ACOX1: variants seen among roughly 807,000 people sequenced by gnomAD.
The protein encoded by ACOX1 is acyl-CoA oxidase 1.
A neutral mutation model predicts 75.5 loss-of-function variants in ACOX1; 41 were observed. The observed-to-expected ratio is 0.54, with a 90% CI of 0.42 to 0.70. The LOEUF is 0.70. ACOX1 is among the 30% of genes least tolerant of loss of function. ACOX1 has a pLI of 0.00. For missense variants in ACOX1, 630 were observed against 837.5 expected, an observed-to-expected ratio of 0.75 and a Z score of 3.06; for synonymous variants, 303 against 298.8, an observed-to-expected ratio of 1.01 and a Z score of -0.15.
chr17:75,949,572 G>C lies in ACOX1; in HGVS notation c.1507C>G (p.Gln503Glu), dbSNP rs2065754605. 6.2e-7 allele frequency: 1 copy of C among 1,614,060 alleles called. No homozygotes were observed. Among genetic ancestry groups the C allele is most frequent in the Admixed American group, 1.7e-5 (1 of 59,984 alleles). Residue 503 changes from glutamine to glutamate, a missense_variant, in exon 11 of 14, where the codon CAA becomes GAA. This residue lies in a region of ACOX1 where 240 missense variants were observed against 262.7 expected (regional missense o/e 0.91). Transcript: ENST00000293217. ...RLVEIAAKNL[Q>E]KEVIHRKSKE... ...CTTTTTCTGTGAATCACTTCTTTTT[G>C]AAGGTTTTTTGCAGCAATTTCTACT...
intron 2 of ACOX1, among the ~76,000 whole-genome samples, chr17:75,969,220 G>A (rs555173626): frequency 3.9e-5 from 6 of 152,230 alleles, no homozygotes; most frequent in South Asian, 4.1e-4. Flanking sequence ...AGGCTAGAGC[G>A]CAATGGCGCA....
rs1432526391 is a variant in ACOX1, at chr17:75,978,900, C to T, written c.109+65G>A. The T allele has an allele frequency of 1.2e-6, 2 of 1,602,568 alleles. No homozygotes were observed. The highest frequency in any genetic ancestry group is 1.1e-5 in the South Asian group (1 of 91,030). Reference sequence around the variant, plus strand: ...GGCCTAGGCCCCACAGCGCCCCTGACTCCGCATCGAGGGAGTCTCCAGCTT... The same window carrying T: ...GGCCTAGGCCCCACAGCGCCCCTGATTCCGCATCGAGGGAGTCTCCAGCTT... On this transcript the variant is annotated intron_variant, in intron 1 of 13. Coordinates refer to ENST00000293217, the MANE Select transcript of ACOX1 (RefSeq NM_004035.7). The surrounding 1 kb of genome is among the most constrained non-coding windows in gnomAD (Gnocchi z 4.2).
intron 2 of ACOX1, among the ~76,000 whole-genome samples, chr17:75,970,466 G>A (rs1416885928): frequency 2.6e-5 from 4 of 152,154 alleles, no homozygotes; most frequent in Non-Finnish European, 4.4e-5. Flanking sequence ...CAGACCCACA[G>A]GGCAGGTGTA....
intron 2 of ACOX1, among the ~76,000 whole-genome samples, chr17:75,977,932 G>A (rs2066070066): frequency 6.6e-6 from 1 of 152,028 alleles, no homozygotes. Context: ...GAGTTGCTTG[G>A]GCAGAACAAT....
In ACOX1 at chr17:75,946,777, G is replaced by A. The variant is rs1407570570; in HGVS notation, c.1954C>T (p.His652Tyr). The change falls in exon 14 of 14, where the codon CAC (histidine) becomes TAC (tyrosine). Residue 652 changes from histidine to tyrosine, a missense_variant. By Grantham distance (83) the His-to-Tyr change is moderately conservative. This residue lies in a region of ACOX1 where 240 missense variants were observed against 262.7 expected (regional missense o/e 0.91). Coordinates refer to ENST00000293217, the MANE Select transcript of ACOX1 (RefSeq NM_004035.7). ...AGCTTGGACTGCAGTGACTTCAGGT[G>A]CTTGTAAGATTCGTGGACCTGTGGG... Reference protein sequence around the residue: ...NKAEVHESYKHLKSLQSKL With the variant: ...NKAEVHESYKYLKSLQSKL The A allele has an allele frequency of 6.2e-7, 1 of 1,613,924 alleles. No homozygotes were observed. The highest frequency in any genetic ancestry group is 2.2e-5 in the East Asian group (1 of 44,874).
intron 2 of ACOX1, among the ~76,000 whole-genome samples, chr17:75,964,317 C>T (rs917956405): frequency 1.6e-4 from 25 of 152,146 alleles, no homozygotes; most frequent in African/African-American, 6.0e-4. Context: ...ATTCAATGTG[C>T]ACTTAGAACC....
intron 2 of ACOX1, among the ~76,000 whole-genome samples, chr17:75,968,422 C>A (rs2065960159): frequency 1.2e-5 from 1 of 81,752 alleles, no homozygotes; most frequent in Non-Finnish European, 2.2e-5. Flanking sequence ...GGCGACAGAG[C>A]GAGACTCCGT....
chr17:75,973,391 A>C (rs555388500), intron 2 of ACOX1: 1 of 562,784 alleles, frequency 1.8e-6, no homozygotes, highest in African/African-American at 1.9e-5. Context: ...CATCTTTTCA[A>C]GCTGTTCAAT....
intron 4 of ACOX1, among the ~76,000 whole-genome samples, chr17:75,956,855 C>A (rs1359467357): frequency 1.4e-5 from 2 of 146,404 alleles, no homozygotes; most frequent in African/African-American, 2.6e-5. Flanking sequence ...CCACCTCAGC[C>A]TCCTGAGTAG....
intron 2 of ACOX1, among the ~76,000 whole-genome samples, chr17:75,974,482 T>A (rs151118729): frequency 1.3e-5 from 2 of 152,342 alleles, no homozygotes; most frequent in Non-Finnish European, 2.9e-5. Context: ...TCCACAGTAG[T>A]TGGCCTTGGC....
At chr17:75,977,944 C>G (rs967309874) in intron 2 of ACOX1, among the ~76,000 whole-genome samples, 1 of 152,132 alleles carries the variant, frequency 6.6e-6, no homozygotes, top group Non-Finnish European at 1.5e-5. Context: ...CAGAACAATG[C>G]TTTTACAACA....
rs766498534 is a variant in ACOX1 at position 75,973,766 on chromosome 17, C to T, written c.269+4768G>A. On this transcript the variant is annotated intron_variant, in intron 2 of 13. Transcript: ENST00000293217. Reference sequence around the variant, plus strand: ...GAGTAATTGAGGCCCACAGGTTCCACAAAATTGACCAAATGTAGTCTACAG... The same window carrying T: ...GAGTAATTGAGGCCCACAGGTTCCATAAAATTGACCAAATGTAGTCTACAG... 8.1e-6 allele frequency: 13 copies of T among 1,614,016 alleles called. No homozygotes were observed. In the South Asian group the frequency reaches 1.3e-4, roughly 16 times the overall value.
chr17:75,977,776 CCA>C, intron 2 of ACOX1, among the ~76,000 whole-genome samples: 1 of 152,206 alleles, frequency 6.6e-6, no homozygotes, highest in East Asian at 1.9e-4. Context: ...TCATCCAGGT[CCA>C]CACTACCATA....
chr17:75,961,589 G>A lies in ACOX1; in HGVS notation c.270-1214C>T, dbSNP rs145738309. On this transcript the variant is annotated intron_variant, in intron 2 of 13. Transcript: ENST00000293217. ...GTTCAAGACCAGCCTGACCAACATG[G>A]TGAGACCCCATCTCTACTAAATATA... is the stretch of plus-strand genomic sequence containing the variant. Among the ~76,000 whole-genome samples the A allele has an allele frequency of 5.9e-3, 890 of 151,732 alleles. 3 individuals are homozygous for A. Among genetic ancestry groups the A allele is most frequent in the Non-Finnish European group, 9.3e-3 (631 of 67,912 alleles).
chr17:75,956,117 C>T (rs957410380), intron 4 of ACOX1, among the ~76,000 whole-genome samples, 170 bp from the exon 5 acceptor site: 1 of 152,070 alleles, frequency 6.6e-6, no homozygotes, highest in African/African-American at 2.4e-5. Context: ...AAAGAAATTC[C>T]CTTAAGCTAA....
chr17:75,963,038 G>A (rs111939284), intron 2 of ACOX1, among the ~76,000 whole-genome samples: 4,500 of 152,194 alleles, frequency 0.03, 72 homozygotes, highest in Middle Eastern at 0.051. Flanking sequence ...GGCTGAGGCA[G>A]GAGAATCACT....
Position 75,945,363 on chromosome 17 carries a change from C to T in ACOX1, c.*1385G>A, listed in dbSNP as rs2065710085. 3 of 152,082 alleles carry T rather than the reference C, an allele frequency of 2.0e-5. No individual in the cohort carries two copies. Among genetic ancestry groups the T allele is most frequent in the Non-Finnish European group, 2.9e-5 (2 of 68,014 alleles). The allele number at this position is 152,082 out of a possible 1,614,324, so 9.4% of individuals were successfully genotyped here. On this transcript the variant is annotated 3_prime_UTR_variant, in exon 14 of 14. Coordinates refer to ENST00000293217, the MANE Select transcript of ACOX1 (RefSeq NM_004035.7). ...TTATCAATTAGTTCTCCCAGTGGAA[C>T]GATTAAGGCTTTTGTCAACATGTAG...
intron 6 of ACOX1, 74 bp from the exon 7 acceptor site, chr17:75,953,694 G>T: frequency 1.3e-6 from 2 of 1,569,636 alleles, no homozygotes; most frequent in South Asian, 2.2e-5. Flanking sequence ...TCAAAGTGTG[G>T]TCCCTGGAAT....
At chr17:75,970,829 G>A (rs936890522) in intron 2 of ACOX1, among the ~76,000 whole-genome samples, 8 of 152,140 alleles carry the variant, frequency 5.3e-5, no homozygotes, top group African/African-American at 9.7e-5. Context: ...AGATAAAACC[G>A]TCACGTGATG....
Sources: allele counts gnomAD v4.1 joint callset (sites outside exome capture counted in the v4.1 genomes callset), GRCh38; gene constraint gnomAD v4.1.1; regional missense constraint gnomAD v4.1.1; non-coding constraint Gnocchi (gnomAD v3.1); transcripts MANE v1.5; gene names NCBI Gene and HGNC (gene_info 2026-07-23, HGNC 2026-07-21).